NECTIN3: variants seen among roughly 807,000 people sequenced by gnomAD.
The protein encoded by NECTIN3 is nectin cell adhesion molecule 3.
In NECTIN3, 8 loss-of-function variants were observed where a neutral mutation model predicts 49.4. The ratio of observed to expected loss-of-function variants is 0.16; its 90% confidence interval spans 0.10 to 0.29. NECTIN3 has a LOEUF of 0.29. Among genes scored for constraint, NECTIN3 ranks in the 10% least tolerant of loss-of-function variants. The probability of loss-of-function intolerance (pLI) is 1.00; values close to 1 mark genes in which losing one functional copy is unlikely to be tolerated. For synonymous variants in NECTIN3, 277 were observed against 241.1 expected (o/e 1.15, Z -1.38); for missense variants, 581 against 654.6 (o/e 0.89, Z 1.23).
At position 111,134,888 on chromosome 3, in the gene NECTIN3, G is replaced by T; in HGVS notation, c.*673G>T. 1.0e-6 allele frequency: 1 copy of T among 983,842 alleles called. No homozygotes were observed. The highest frequency in any genetic ancestry group is 1.1e-4 in the East Asian group (1 of 8,812). The allele number at this position is 983,842 out of a possible 1,614,324, so 60.9% of individuals were successfully genotyped here. On this transcript the variant is annotated 3_prime_UTR_variant, in exon 6 of 6. Coordinates refer to ENST00000485303, the MANE Select transcript of NECTIN3 (RefSeq NM_015480.3). The stretch of plus-strand genomic sequence containing the variant: ...GTAAACTCAGTGAACATGATGTGTG[G>T]AAGAGCATAATTAGCTGGTCAATAT...
downstream of NECTIN3, among the ~76,000 whole-genome samples, chr3:111,141,596 A>G (rs191779680): frequency 3.9e-5 from 6 of 151,998 alleles, no homozygotes; most frequent in African/African-American, 9.6e-5. Context: ...TGTGCATGCT[A>G]TCTTTTAATT....
chr3:111,189,093 G>A (rs1254923954), upstream of NECTIN3, among the ~76,000 whole-genome samples: 1 of 152,120 alleles, frequency 6.6e-6, no homozygotes, highest in African/African-American at 2.4e-5. Context: ...TACTGTTAAG[G>A]AATGGAAACA....
At chr3:111,079,016 G>A (rs1386923735) in intron 1 of NECTIN3, among the ~76,000 whole-genome samples, 1 of 152,100 alleles carries the variant, frequency 6.6e-6, no homozygotes, top group Non-Finnish European at 1.5e-5. Flanking sequence ...GTGAAACTGT[G>A]CAGGGCTAGG....
At chr3:111,151,379 A>G (rs1276156975) in intron 7 of NECTIN3, among the ~76,000 whole-genome samples, 1 of 151,552 alleles carries the variant, frequency 6.6e-6, no homozygotes, top group Non-Finnish European at 1.5e-5. Flanking sequence ...ATTTCAGTAT[A>G]TTTAATGTCA....
chr3:111,167,865 G>A (rs755714716), intron 7 of NECTIN3, among the ~76,000 whole-genome samples: 1 of 152,084 alleles, frequency 6.6e-6, no homozygotes, highest in Non-Finnish European at 1.5e-5. Context: ...TATAATCTTA[G>A]GCAACTCACT....
At chr3:111,148,424 G>A (rs2034928377) in intron 7 of NECTIN3, among the ~76,000 whole-genome samples, 1 of 152,180 alleles carries the variant, frequency 6.6e-6, no homozygotes, top group African/African-American at 2.4e-5. Context: ...GTGTCCTGAT[G>A]GTGAAGATGT....
intron 7 of NECTIN3, among the ~76,000 whole-genome samples, chr3:111,178,044 C>T (rs1184969127): frequency 6.6e-6 from 1 of 152,046 alleles, no homozygotes; most frequent in Non-Finnish European, 1.5e-5. Context: ...TAAAATGTGT[C>T]GTATCACATT....
intron 7 of NECTIN3, among the ~76,000 whole-genome samples, chr3:111,150,156 T>C (rs907587427): frequency 6.6e-6 from 1 of 151,966 alleles, no homozygotes; most frequent in African/African-American, 2.4e-5. Flanking sequence ...TTCCGTGAAA[T>C]GGATATTTAT....
At chr3:111,072,385 T>A in intron 1 of NECTIN3, 1 of 1,501,834 alleles carries the variant, frequency 6.7e-7, no homozygotes, top group Non-Finnish European at 8.8e-7. Flanking sequence ...GGCGGCCCGC[T>A]GCCCTCCCCC....
chr3:111,118,566 A>G, intron 2 of NECTIN3, 90 bp from the exon 3 acceptor site: 1 of 1,202,830 alleles, frequency 8.3e-7, no homozygotes, highest in Admixed American at 3.0e-5. Flanking sequence ...GTTGTCCTTA[A>G]GCTTGTGAAA....
intron 7 of NECTIN3, among the ~76,000 whole-genome samples, chr3:111,182,618 T>C (rs2035646887): frequency 6.6e-6 from 1 of 152,134 alleles, no homozygotes; most frequent in Non-Finnish European, 1.5e-5. Flanking sequence ...TGAAGTTACT[T>C]TGTCTGATAT....
intron 7 of NECTIN3, among the ~76,000 whole-genome samples, chr3:111,171,015 A>T (rs767500949): frequency 1.3e-5 from 2 of 152,172 alleles, no homozygotes; most frequent in Non-Finnish European, 2.9e-5. Flanking sequence ...ATATGTCATT[A>T]CTAATTAGAG....
intron 4 of NECTIN3, among the ~76,000 whole-genome samples, chr3:111,124,499 A>G (rs967875237): frequency 2.0e-5 from 3 of 152,150 alleles, no homozygotes; most frequent in Non-Finnish European, 4.4e-5. Flanking sequence ...TATATAGTTT[A>G]TTTTCATTGT....
intron 7 of NECTIN3, among the ~76,000 whole-genome samples, chr3:111,150,856 T>G (rs2034986947): frequency 6.6e-6 from 1 of 151,994 alleles, no homozygotes; most frequent in Non-Finnish European, 1.5e-5. Context: ...TATTAACCTG[T>G]AATAGGTTTC....
chr3:111,146,959 G>A (rs181616021), intron 6 of NECTIN3, among the ~76,000 whole-genome samples: 13 of 152,068 alleles, frequency 8.5e-5, no homozygotes, highest in Non-Finnish European at 1.8e-4. Context: ...AAATATAATT[G>A]GTGAATATTG....
At chr3:111,161,621 G>T (rs2035213986) in intron 7 of NECTIN3, among the ~76,000 whole-genome samples, 1 of 152,162 alleles carries the variant, frequency 6.6e-6, no homozygotes, top group African/African-American at 2.4e-5. Flanking sequence ...CACAAACTCT[G>T]CTGTGAACTG....
chr3:111,192,093 A>G (rs2107539590), upstream of NECTIN3, among the ~76,000 whole-genome samples: 1 of 152,278 alleles, frequency 6.6e-6, no homozygotes, highest in South Asian at 2.1e-4. Flanking sequence ...TGGCCTCCCA[A>G]AGTGCTAGGA....
intron 5 of NECTIN3, among the ~76,000 whole-genome samples, chr3:111,133,068 C>T (rs1344255804): frequency 6.6e-6 from 1 of 151,656 alleles, no homozygotes; most frequent in Non-Finnish European, 1.5e-5. Context: ...ATTAAACCAA[C>T]AGCTTATACT....
chr3:111,151,173 A>G (rs549528455), intron 7 of NECTIN3, among the ~76,000 whole-genome samples: 1 of 152,102 alleles, frequency 6.6e-6, no homozygotes, highest in South Asian at 2.1e-4. Flanking sequence ...TTTATGATAT[A>G]CAGCATGCAG....
Sources: allele counts gnomAD v4.1 joint callset (sites outside exome capture counted in the v4.1 genomes callset), GRCh38; gene constraint gnomAD v4.1.1; transcripts MANE v1.5; gene names NCBI Gene and HGNC (gene_info 2026-07-23, HGNC 2026-07-21).